The following MEF2A variants were observed in gnomAD, a reference collection of about 807,000 sequenced individuals.
The protein encoded by MEF2A is myocyte enhancer factor 2A.
A neutral mutation model predicts 55.8 loss-of-function variants in MEF2A; 28 were observed. The observed-to-expected ratio is 0.50, with a 90% CI of 0.37 to 0.69. MEF2A has a LOEUF of 0.69. Among genes scored for constraint, MEF2A ranks in the 30% least tolerant of loss-of-function variants. MEF2A has a pLI of 0.00. For missense variants in MEF2A, 528 were observed against 626.2 expected (o/e 0.84, Z 1.67); for synonymous variants, 239 against 227.1 (o/e 1.05, Z -0.47).
At chr15:99,610,682 T>A (rs1976924879) in intron 2 of MEF2A, among the ~76,000 whole-genome samples, 1 of 152,156 alleles carries the variant, frequency 6.6e-6, no homozygotes, top group South Asian at 2.1e-4. Flanking sequence ...TTATTATTTT[T>A]TTTCACAATG....
chr15:99,574,584 G>A (rs1235472711), intron 1 of MEF2A, among the ~76,000 whole-genome samples: 2 of 152,144 alleles, frequency 1.3e-5, no homozygotes, highest in Non-Finnish European at 2.9e-5. Flanking sequence ...GCACAACCTA[G>A]ATCCTTTGCA....
chr15:99,685,997 T>A (rs528269930), intron 7 of MEF2A, among the ~76,000 whole-genome samples: 4 of 152,336 alleles, frequency 2.6e-5, no homozygotes, highest in African/African-American at 9.6e-5. Context: ...CTGCTTGTTA[T>A]TGGTCCATGC....
At chr15:99,577,427 A>AG (rs779880121) in intron 1 of MEF2A, among the ~76,000 whole-genome samples, 7 of 110,946 alleles carry the variant, frequency 6.3e-5, no homozygotes, top group African/African-American at 1.4e-4. Context: ...TTTCACGGTC[A>AG]GGGGGGAGTA....
At position 99,671,309 on chromosome 15, in the gene MEF2A, C is replaced by T; in HGVS notation, c.259-14C>T. The T allele has an allele frequency of 3.1e-6, 5 of 1,589,126 alleles. No homozygotes were observed. Among genetic ancestry groups the T allele is most frequent in the Non-Finnish European group, 4.3e-6 (5 of 1,165,318 alleles). On this transcript the variant is annotated splice_polypyrimidine_tract_variant and intron_variant, in intron 4 of 11. Coordinates refer to ENST00000557942, the MANE Select transcript of MEF2A (RefSeq NM_001319206.4). ...TAGCATTATTTGTGTGTGAATTTTC[C>T]AATTGTATTTCAGACTTTAAGAAAG...
intron 7 of MEF2A, among the ~76,000 whole-genome samples, chr15:99,689,508 T>G (rs1315367587): frequency 1.3e-5 from 2 of 152,138 alleles, no homozygotes; most frequent in Admixed American, 6.5e-5. Flanking sequence ...TGAGACACAG[T>G]TTCACTCTGT....
At chr15:99,678,550 TAC>T (rs1355358064) in intron 7 of MEF2A, 6 of 577,382 alleles carry the variant, frequency 1.0e-5, no homozygotes, top group Non-Finnish European at 1.3e-5. Flanking sequence ...CATTTTCAAA[TAC>T]GTAATTTGTT....
At chr15:99,603,905 A>G (rs1974189218) in intron 2 of MEF2A, among the ~76,000 whole-genome samples, 1 of 152,076 alleles carries the variant, frequency 6.6e-6, no homozygotes, top group Non-Finnish European at 1.5e-5. Context: ...TTACTGGTTC[A>G]TGTGTTTGGA....
chr15:99,713,443 T>C lies in MEF2A; in HGVS notation c.*672T>C, dbSNP rs1375866612. 1.9e-5 allele frequency: 3 copies of C among 156,640 alleles called. No homozygotes were observed. Among genetic ancestry groups the C allele is most frequent in the Admixed American group, 6.5e-5 (1 of 15,420 alleles). 9.7% of individuals were successfully genotyped at this position (156,640 alleles called of 1,614,324 possible). ...GAGAATAGAAAACACGCATGAGATA[T>C]TCAGAAAATACTAGCCTAGAAATAT... On this transcript the variant is annotated 3_prime_UTR_variant, in exon 12 of 12. Transcript: ENST00000557942.
At chr15:99,572,009 A>G (rs922604744) in intron 1 of MEF2A, among the ~76,000 whole-genome samples, 3 of 126,354 alleles carry the variant, frequency 2.4e-5, no homozygotes, top group African/African-American at 5.3e-5. Context: ...CTTGCTCCAT[A>G]GAAGTTTTTT....
intron 2 of MEF2A, among the ~76,000 whole-genome samples, chr15:99,626,229 A>G (rs538386335): frequency 6.6e-6 from 1 of 152,094 alleles, no homozygotes; most frequent in Non-Finnish European, 1.5e-5. Context: ...CATTTTATCT[A>G]GGTTATCCCA....
chr15:99,657,087 G>C (rs941122058), intron 4 of MEF2A, among the ~76,000 whole-genome samples: 1 of 151,986 alleles, frequency 6.6e-6, no homozygotes, highest in Non-Finnish European at 1.5e-5. Context: ...TTTTCACTTA[G>C]CATAATGTTT....
intron 4 of MEF2A, among the ~76,000 whole-genome samples, chr15:99,665,206 C>T (rs1567368845): frequency 6.6e-6 from 1 of 152,270 alleles, no homozygotes; most frequent in Admixed American, 6.5e-5. Flanking sequence ...AGGTTCTAGC[C>T]AGGGCACTCA....
chr15:99,582,899 C>G (rs8036535), intron 1 of MEF2A, among the ~76,000 whole-genome samples: 69,844 of 151,908 alleles, frequency 0.46, 17,550 homozygotes, highest in Middle Eastern at 0.61. Flanking sequence ...AGAACAGTTA[C>G]TAGGTAATGT....
intron 1 of MEF2A, among the ~76,000 whole-genome samples, chr15:99,589,515 T>C (rs1368795832): frequency 6.6e-6 from 1 of 152,128 alleles, no homozygotes; most frequent in African/African-American, 2.4e-5. Flanking sequence ...TTTTCTACTT[T>C]TGTTATTCCC....
At chr15:99,672,938 T>C (rs2051164540) in intron 5 of MEF2A, among the ~76,000 whole-genome samples, 1 of 152,214 alleles carries the variant, frequency 6.6e-6, no homozygotes, top group Non-Finnish European at 1.5e-5. Flanking sequence ...GGAGCATCAT[T>C]GGGAACCTGC....
chr15:99,617,052 A>G (rs1430553150), intron 2 of MEF2A, among the ~76,000 whole-genome samples: 1 of 152,110 alleles, frequency 6.6e-6, no homozygotes, highest in Non-Finnish European at 1.5e-5. Context: ...TCATGTGATT[A>G]TGATCTGTGT....
At chr15:99,566,861 G>A (rs1001710980) in intron 1 of MEF2A, among the ~76,000 whole-genome samples, 14 of 152,208 alleles carry the variant, frequency 9.2e-5, no homozygotes, top group African/African-American at 3.4e-4. Context: ...AGACGTCGCG[G>A]GGACAGAGGG....
intron 7 of MEF2A, among the ~76,000 whole-genome samples, chr15:99,687,316 AC>A (rs2054475987): frequency 6.6e-6 from 1 of 151,982 alleles, no homozygotes; most frequent in African/African-American, 2.4e-5. Context: ...CACACAGCAG[AC>A]ACTCAGTTTT....
At chr15:99,691,894 T>C (rs2055548872) in intron 8 of MEF2A, among the ~76,000 whole-genome samples, 1 of 152,182 alleles carries the variant, frequency 6.6e-6, no homozygotes, top group African/African-American at 2.4e-5. Flanking sequence ...CTAGTCTCAT[T>C]TGTTTTTGAG....
Sources: gnomAD v4.1 joint callset for allele counts (sites outside exome capture counted in the v4.1 genomes callset) on GRCh38, gnomAD v4.1.1 for gene constraint, MANE v1.5 for transcripts, NCBI Gene and HGNC (gene_info 2026-07-23, HGNC 2026-07-21) for gene names.